The following XKR4 variants were observed in gnomAD, a reference collection of about 807,000 sequenced individuals.
XKR4 encodes XK-related protein 4.
Under a neutral mutation model 53.9 loss-of-function variants are expected in XKR4, and 12 were observed. The observed-to-expected ratio is 0.22, with a 90% CI of 0.14 to 0.36. XKR4 has a LOEUF of 0.36. XKR4 is among the 10% of genes least tolerant of loss of function. The probability of loss-of-function intolerance (pLI) is 1.00; values close to 1 mark genes in which losing one functional copy is unlikely to be tolerated. For missense variants in XKR4, 799 were observed against 859.5 expected (o/e 0.93, Z 0.88); for synonymous variants, 354 against 362.4 (o/e 0.98, Z 0.26).
intron 2 of XKR4, among the ~76,000 whole-genome samples, chr8:55,360,608 TA>T (rs1171652955): frequency 6.6e-6 from 1 of 152,226 alleles, no homozygotes; most frequent in Non-Finnish European, 1.5e-5. Context: ...TCAAAATATC[TA>T]AAACATTCTT....
chr8:55,136,050 T>C (rs370678949), intron 1 of XKR4, among the ~76,000 whole-genome samples: 21 of 152,120 alleles, frequency 1.4e-4, no homozygotes, highest in Admixed American at 9.2e-4. Context: ...CACACCACCA[T>C]ACCTGGCTAA....
At chr8:55,390,042 A>C (rs771144340) in intron 2 of XKR4, among the ~76,000 whole-genome samples, 2 of 152,186 alleles carry the variant, frequency 1.3e-5, no homozygotes, top group African/African-American at 2.4e-5. Context: ...ACGGGAAAAA[A>C]CAAACTTTAA....
intron 1 of XKR4, among the ~76,000 whole-genome samples, chr8:55,173,408 AATAT>A (rs1817189031): frequency 6.6e-6 from 1 of 152,120 alleles, no homozygotes; most frequent in Non-Finnish European, 1.5e-5. Flanking sequence ...TCAATACAAA[AATAT>A]ATATAGTTTA....
chr8:55,231,777 G>A (rs543182041), intron 1 of XKR4, among the ~76,000 whole-genome samples: 1 of 152,310 alleles, frequency 6.6e-6, no homozygotes, highest in African/African-American at 2.4e-5. Context: ...AGGTTCTAGA[G>A]TGGGCAATCC....
chr8:55,301,307 C>A (rs1403660478), intron 1 of XKR4, among the ~76,000 whole-genome samples: 6 of 151,890 alleles, frequency 4.0e-5, no homozygotes, highest in Non-Finnish European at 1.5e-5. Flanking sequence ...CATCCATGTC[C>A]CTACAAAGGA....
rs543440972 is a variant in XKR4 at position 55,193,643 on chromosome 8, T to C, written c.806+90349T>C. On this transcript the variant is annotated intron_variant, in intron 1 of 2. Coordinates refer to ENST00000327381, the MANE Select transcript of XKR4 (RefSeq NM_052898.2). The stretch of plus-strand genomic sequence containing the variant: ...CCCCACTGTCGGGGTTAACAAATGC[T>C]GCTCATCTGCAGAAATGAGAGTCCC... Among the ~76,000 whole-genome samples the C allele has an allele frequency of 1.6e-4, 24 of 152,360 alleles. No individual in the cohort carries two copies. The East Asian group carries it at 4.2e-3, about 27-fold the overall frequency.
chr8:55,224,471 C>G (rs1817926306), intron 1 of XKR4, among the ~76,000 whole-genome samples: 1 of 152,136 alleles, frequency 6.6e-6, no homozygotes, highest in Non-Finnish European at 1.5e-5. Context: ...TGTCATAAGA[C>G]TTAGTTCACT....
At chr8:55,314,390 G>T (rs577346095) in intron 1 of XKR4, among the ~76,000 whole-genome samples, 2 of 152,220 alleles carry the variant, frequency 1.3e-5, no homozygotes, top group African/African-American at 4.8e-5. Flanking sequence ...AAGAAACCCT[G>T]GGATGCCCAT....
intron 2 of XKR4, among the ~76,000 whole-genome samples, chr8:55,468,840 C>T (rs1805827637): frequency 6.6e-6 from 1 of 152,112 alleles, no homozygotes; most frequent in South Asian, 2.1e-4. Flanking sequence ...TTGCCCTTTT[C>T]AAATTCCCAG....
chr8:55,523,323 T>C lies in XKR4; in HGVS notation c.1049T>C (p.Leu350Ser). ...TCCCTCGTGTCCCTGGCCTGGGCCT[T>C]GGCCTCCTACCAGAAGGCCCTCCGG... The part of the protein sequence containing the change: ...AASLVSLAWA[L>S]ASYQKALRDS... Residue 350 changes from leucine to serine, a missense_variant, in exon 3 of 3, where the codon TTG (leucine) becomes TCG (serine). Leu to Ser is a moderately radical substitution (Grantham distance 145). Around this residue, in one of 3 missense-constraint regions of XKR4, gnomAD observed 476 missense variants for 505.4 expected, o/e 0.94. Transcript: ENST00000327381. 6.2e-7 allele frequency: 1 copy of C among 1,613,912 alleles called. No individual in the cohort carries two copies. Among genetic ancestry groups the C allele is most frequent in the South Asian group, 1.1e-5 (1 of 91,046 alleles).
At position 55,527,500 on chromosome 8, in the gene XKR4, T is replaced by C. The variant is rs1806895164; in HGVS notation, c.*3273T>C. 6.6e-6 allele frequency: 1 copy of C among 152,222 alleles called. No individual in the cohort carries two copies. The highest frequency in any genetic ancestry group is 1.5e-5 in the Non-Finnish European group (1 of 68,034). 9.4% of individuals were successfully genotyped at this position (152,222 alleles called of 1,614,324 possible). ...TATGAAACCATGTTTAATGAATATATATAATGTGTGTGTGTGTATCTTAAC... is the reference window on the plus strand; with the variant it reads ...TATGAAACCATGTTTAATGAATATACATAATGTGTGTGTGTGTATCTTAAC... On this transcript the variant is annotated 3_prime_UTR_variant, in exon 3 of 3. Transcript: ENST00000327381.
At chr8:55,272,771 G>A (rs900876318) in intron 1 of XKR4, 4 of 372,346 alleles carry the variant, frequency 1.1e-5, no homozygotes, top group Non-Finnish European at 2.1e-5. Flanking sequence ...TCTCTGTTTA[G>A]CTACCATTGT....
intron 1 of XKR4, among the ~76,000 whole-genome samples, chr8:55,189,650 T>G (rs1201470263): frequency 6.6e-6 from 1 of 152,218 alleles, no homozygotes; most frequent in South Asian, 2.1e-4. Flanking sequence ...GTGACAGGAA[T>G]TTTTTAGCTT....
At chr8:55,389,553 G>A (rs905489319) in intron 2 of XKR4, among the ~76,000 whole-genome samples, 7 of 152,144 alleles carry the variant, frequency 4.6e-5, no homozygotes, top group African/African-American at 1.7e-4. Context: ...AATTTCAAGG[G>A]AAGATGGAAT....
intron 1 of XKR4, among the ~76,000 whole-genome samples, chr8:55,159,204 C>T (rs931813146): frequency 6.6e-6 from 1 of 152,048 alleles, no homozygotes; most frequent in African/African-American, 2.4e-5. Context: ...ATTTCACCAC[C>T]CTGGTTAGCT....
chr8:55,230,035 TGG>T (rs912762675), intron 1 of XKR4, among the ~76,000 whole-genome samples: 3 of 152,156 alleles, frequency 2.0e-5, no homozygotes, highest in Non-Finnish European at 2.9e-5. Context: ...TCACTCTATG[TGG>T]GTTGTGTTGC....
intron 1 of XKR4, among the ~76,000 whole-genome samples, chr8:55,170,370 GA>G (rs2129358367): frequency 6.6e-6 from 1 of 152,318 alleles, no homozygotes; most frequent in Admixed American, 6.5e-5. Flanking sequence ...AAAAGTGCAA[GA>G]GGGAGGCAGG....
intron 1 of XKR4, among the ~76,000 whole-genome samples, chr8:55,196,494 C>T (rs1817509628): frequency 6.6e-6 from 1 of 152,156 alleles, no homozygotes; most frequent in Admixed American, 6.5e-5. Context: ...GTTGTACTTT[C>T]ACTAAGGATT....
chr8:55,279,439 C>T (rs1190095746), intron 1 of XKR4, among the ~76,000 whole-genome samples: 1 of 152,146 alleles, frequency 6.6e-6, no homozygotes, highest in Non-Finnish European at 1.5e-5. Context: ...TTGCATTGCT[C>T]CAACTGCGAT....
Sources: allele counts gnomAD v4.1 joint callset (sites outside exome capture counted in the v4.1 genomes callset), GRCh38; gene constraint gnomAD v4.1.1; regional missense constraint gnomAD v4.1.1; transcripts MANE v1.5; gene names NCBI Gene and HGNC (gene_info 2026-07-23, HGNC 2026-07-21).